Variants in MYO9B observed in about 807,000 individuals in gnomAD.
MYO9B encodes the protein myosin IXB, also known as unconventional myosin-IXb.
A neutral mutation model predicts 229.5 loss-of-function variants in MYO9B; 71 were observed. That is an observed-to-expected ratio of 0.31 (90% CI 0.26 to 0.38). The LOEUF is 0.38. MYO9B is among the 10% of genes least tolerant of loss of function. The pLI is 1.00. For missense variants in MYO9B, 2,255 were observed against 2,920.5 expected (o/e 0.77, Z 5.25); for synonymous variants, 1,185 against 1,235.8 (o/e 0.96, Z 0.86).
intron 18 of MYO9B, among the ~76,000 whole-genome samples, chr19:17,187,549 T>C (rs2072931975): frequency 6.6e-6 from 1 of 150,472 alleles, no homozygotes; most frequent in African/African-American, 2.5e-5. Flanking sequence ...GGTTCTTTTT[T>C]TTTTTCTTTT....
chr19:17,138,424 G>T (rs914662022), intron 2 of MYO9B, among the ~76,000 whole-genome samples: 2 of 152,130 alleles, frequency 1.3e-5, no homozygotes, highest in African/African-American at 2.4e-5. Context: ...CCAGTAAAGG[G>T]ATTGCTGCAT....
chr19:17,098,588 A>G (rs1403365444), intron 1 of MYO9B, among the ~76,000 whole-genome samples: 2 of 152,138 alleles, frequency 1.3e-5, no homozygotes, highest in Non-Finnish European at 1.5e-5. Flanking sequence ...GTGGGCTGGC[A>G]CCAGCATTTC....
At chr19:17,120,476 C>T (rs910572482) in intron 2 of MYO9B, among the ~76,000 whole-genome samples, 7 of 151,446 alleles carry the variant, frequency 4.6e-5, no homozygotes, top group Admixed American at 2.0e-4. Flanking sequence ...GACCCCATCT[C>T]TACAAAAAAT....
intron 2 of MYO9B, among the ~76,000 whole-genome samples, chr19:17,123,784 A>T (rs1453768951): frequency 1.3e-5 from 2 of 152,206 alleles, no homozygotes; most frequent in African/African-American, 4.8e-5. Flanking sequence ...ATAGGCAAGG[A>T]TGTTAAGACG....
In MYO9B at chr19:17,193,133, C is replaced by A; in HGVS notation, c.3128+71C>A. ...AAAGGTCACTCACCAAATTGCTGCCCGTGATATACCATCTGGCCTGTGGCA... is the reference window on the plus strand; with the variant it reads ...AAAGGTCACTCACCAAATTGCTGCCAGTGATATACCATCTGGCCTGTGGCA... On this transcript the variant is annotated intron_variant, in intron 21 of 39. Transcript: ENST00000682292. This position sits in a 1 kb window ranked among gnomAD's most constrained non-coding sequence, Gnocchi z 4.3. 1 of 1,391,680 alleles carries A rather than the reference C, an allele frequency of 7.2e-7. No individual in the cohort carries two copies. Among genetic ancestry groups the A allele is most frequent in the South Asian group, 1.5e-5 (1 of 65,224 alleles). The allele number at this position is 1,391,680 out of a possible 1,614,324, so 86.2% of individuals were successfully genotyped here. A position where few individuals can be genotyped will look rare whatever the true frequency, so the allele number is the denominator to read the frequency against.
chr19:17,168,429 GTA>G (rs2072684509), intron 11 of MYO9B, among the ~76,000 whole-genome samples: 1 of 152,232 alleles, frequency 6.6e-6, no homozygotes, highest in Admixed American at 6.5e-5. Context: ...GCCTCCGAGA[GTA>G]CTGGGATTAC....
chr19:17,161,149 G>C lies in MYO9B; in HGVS notation c.1420-1201G>C, dbSNP rs368832775. On this transcript the variant is annotated intron_variant, in intron 8 of 39. Transcript: ENST00000682292. Reference sequence around the variant, plus strand: ...TGACAGCCACATGGTGCACCCGGAAGAACAAGGGGCCTGAAGTTAGTTAGA... The same window carrying C: ...TGACAGCCACATGGTGCACCCGGAACAACAAGGGGCCTGAAGTTAGTTAGA... Among the ~76,000 whole-genome samples the C allele has an allele frequency of 2.5e-3, 374 of 152,310 alleles. 3 individuals are homozygous for C. The highest frequency in any genetic ancestry group is 8.3e-3 in the African/African-American group (346 of 41,584).
At chr19:17,112,173 C>G (rs926503874) in intron 2 of MYO9B, among the ~76,000 whole-genome samples, 2 of 152,158 alleles carry the variant, frequency 1.3e-5, no homozygotes, top group Non-Finnish European at 2.9e-5. Context: ...GATTGACACT[C>G]ACACAGAGGA....
chr19:17,157,959 T>G (rs1000348559), intron 7 of MYO9B, among the ~76,000 whole-genome samples: 1 of 152,122 alleles, frequency 6.6e-6, no homozygotes, highest in African/African-American at 2.4e-5. Flanking sequence ...CTCCACCGGT[T>G]CTCAGCCAGG....
Position 17,211,659 on chromosome 19 carries a change from C to G in MYO9B, c.5943C>G (p.Thr1981=), listed in dbSNP as rs1335933960. Residue 1981 remains threonine (T), a synonymous_variant, in exon 39 of 40, where the codon ACC becomes ACG. Coordinates refer to ENST00000682292, the MANE Select transcript of MYO9B (RefSeq NM_004145.4). ...QSIKEEKEDI[T]YRLPELDPRG... ...CTTTTTCCTCCAGGGAGGACATCAC[C>G]TACCGGCTGCCGGAGCTGGACCCAA... 1 of 1,606,304 alleles carries G rather than the reference C, an allele frequency of 6.2e-7. No individual in the cohort carries two copies. The highest frequency in any genetic ancestry group is 1.1e-5 in the South Asian group (1 of 90,584).
Position 17,101,806 on chromosome 19 carries a change from G to A in MYO9B, c.89G>A (p.Ser30Asn). ...HIYPQLSTTE[S>N]QASCRVTATK... ...TACCCCCAGCTGTCCACCACCGAGAGCCAGGCCTCGTGCCGCGTGACTGCC... is the reference window on the plus strand; with the variant it reads ...TACCCCCAGCTGTCCACCACCGAGAACCAGGCCTCGTGCCGCGTGACTGCC... The change falls in exon 2 of 40, where the codon AGC becomes AAC. Residue 30 changes from serine (S) to asparagine (N), a missense_variant. Physicochemically the swap from Ser to Asn is conservative, Grantham distance 46 (BLOSUM62 1). Around this residue, in one of 7 missense-constraint regions of MYO9B, gnomAD observed 386 missense variants for 515.2 expected, o/e 0.75. Transcript: ENST00000682292. The surrounding 1 kb of genome is among the most constrained non-coding windows in gnomAD (Gnocchi z 4.7). 1 of 1,607,006 alleles carries A rather than the reference G, an allele frequency of 6.2e-7. No individual in the cohort carries two copies. Among genetic ancestry groups the A allele is most frequent in the Non-Finnish European group, 8.5e-7 (1 of 1,178,966 alleles).
chr19:17,147,105 C>T (rs2072420316), intron 3 of MYO9B, among the ~76,000 whole-genome samples: 1 of 152,190 alleles, frequency 6.6e-6, no homozygotes. Context: ...CAGTCAGTGG[C>T]CCCCCAACTC....
intron 16 of MYO9B, 33 bp from the exon 17 acceptor site, chr19:17,184,832 G>A: frequency 1.2e-6 from 2 of 1,612,728 alleles, no homozygotes; most frequent in Non-Finnish European, 1.7e-6. Flanking sequence ...TGGGCTGTGG[G>A]AGGGCAGGCC....
rs565755125 is a variant in MYO9B at position 17,112,188 on chromosome 19, C to T, written c.840+9631C>T. Among the ~76,000 whole-genome samples, 14 of 152,160 alleles carry T rather than the reference C, an allele frequency of 9.2e-5. No homozygotes were observed. The South Asian group carries it at 1.7e-3, about 18-fold the overall frequency. ...GATTGACACTCACACAGAGGATCCCCTGGAGACTGTCATGAGCCCTGGGAA... is the reference window on the plus strand; with the variant it reads ...GATTGACACTCACACAGAGGATCCCTTGGAGACTGTCATGAGCCCTGGGAA... On this transcript the variant is annotated intron_variant, in intron 2 of 39. Coordinates refer to ENST00000682292, the MANE Select transcript of MYO9B (RefSeq NM_004145.4).
In MYO9B at chr19:17,172,543, G is replaced by A. The variant is rs940747557; in HGVS notation, c.1935+66G>A. 7 of 1,588,566 alleles carry A rather than the reference G, an allele frequency of 4.4e-6. No homozygotes were observed. In the South Asian group the frequency reaches 6.8e-5, roughly 15 times the overall value. ...AGCCACAGTCAGCCCAGAAGCCCATGTGGGAGGATCCTCCTGTGGGCGAGG... is the reference window on the plus strand; with the variant it reads ...AGCCACAGTCAGCCCAGAAGCCCATATGGGAGGATCCTCCTGTGGGCGAGG... On this transcript the variant is annotated intron_variant, in intron 12 of 39. Coordinates refer to ENST00000682292, the MANE Select transcript of MYO9B (RefSeq NM_004145.4). The surrounding 1 kb of genome is among the most constrained non-coding windows in gnomAD (Gnocchi z 8.2).
chr19:17,204,757 C>T (rs1221587327), intron 30 of MYO9B, among the ~76,000 whole-genome samples: 1 of 151,900 alleles, frequency 6.6e-6, no homozygotes, highest in East Asian at 1.9e-4. Context: ...TCACCTGGGC[C>T]TGGGAGGTCA....
chr19:17,081,254 C>G (rs1365574684), intron 1 of MYO9B, among the ~76,000 whole-genome samples: 1 of 152,124 alleles, frequency 6.6e-6, no homozygotes, highest in East Asian at 1.9e-4. Flanking sequence ...TCTTAAACTC[C>G]TGACATCAGG....
chr19:17,160,846 T>C (rs1361583144), intron 8 of MYO9B, among the ~76,000 whole-genome samples: 1 of 152,184 alleles, frequency 6.6e-6, no homozygotes, highest in Non-Finnish European at 1.5e-5. Context: ...ATTACAGGCA[T>C]GTGCCACCAC....
At chr19:17,165,451 A>T (rs753350343) in intron 10 of MYO9B, among the ~76,000 whole-genome samples, 6 of 151,888 alleles carry the variant, frequency 4.0e-5, no homozygotes, top group Non-Finnish European at 8.8e-5. Context: ...GGCTCATGCT[A>T]ACAATACCAG....
Sources: gnomAD v4.1 joint callset for allele counts (sites outside exome capture counted in the v4.1 genomes callset) on GRCh38, gnomAD v4.1.1 for gene constraint, gnomAD v4.1.1 regional missense constraint, Gnocchi (gnomAD v3.1) non-coding constraint, MANE v1.5 for transcripts, NCBI Gene and HGNC (gene_info 2026-07-23, HGNC 2026-07-21) for gene names.